CRPPA: variants seen among roughly 807,000 people sequenced by gnomAD.
The protein encoded by CRPPA is D-ribitol-5-phosphate cytidylyltransferase.
In CRPPA, 43 loss-of-function variants were observed where a neutral mutation model predicts 52.0. The observed-to-expected ratio is 0.83, with a 90% CI of 0.65 to 1.07. The LOEUF (loss-of-function observed/expected upper bound fraction) is 1.07, where lower values mean the gene tolerates loss of function less well. Among genes scored for constraint, CRPPA ranks in the 50% least tolerant of loss-of-function variants. CRPPA has a pLI of 0.00. For synonymous variants in CRPPA, 250 were observed against 203.5 expected (o/e 1.23, Z -1.94); for missense variants, 629 against 551.7 (o/e 1.14, Z -1.40).
chr7:16,417,730 C>A (rs1015529881), intron 1 of CRPPA, among the ~76,000 whole-genome samples: 2 of 150,248 alleles, frequency 1.3e-5, no homozygotes, highest in Non-Finnish European at 3.0e-5. Flanking sequence ...TTCAGCATCA[C>A]ACAATATACC....
chr7:16,402,296 C>A (rs1192896295), intron 2 of CRPPA, among the ~76,000 whole-genome samples: 1 of 152,176 alleles, frequency 6.6e-6, no homozygotes, highest in African/African-American at 2.4e-5. Flanking sequence ...ATCTATAAAA[C>A]TTCAAGCCAA....
At chr7:16,176,743 A>T (rs1781305978) in intron 9 of CRPPA, among the ~76,000 whole-genome samples, 1 of 122,982 alleles carries the variant, frequency 8.1e-6, no homozygotes, top group South Asian at 3.6e-4. Context: ...TACCTGGCAA[A>T]ATTATTCTCC....
chr7:16,419,083 G>A (rs916306291), intron 1 of CRPPA, among the ~76,000 whole-genome samples: 1 of 152,170 alleles, frequency 6.6e-6, no homozygotes, highest in African/African-American at 2.4e-5. Context: ...TCATGAAATG[G>A]TTTCAGGGAC....
chr7:16,205,412 A>C (rs28446402), intron 9 of CRPPA, among the ~76,000 whole-genome samples: 9,506 of 152,120 alleles, frequency 0.062, 780 homozygotes, highest in East Asian at 0.31. Context: ...GAGACTCTGA[A>C]ATTATATTGG....
chr7:16,417,745 T>C (rs1053439428), intron 1 of CRPPA, among the ~76,000 whole-genome samples: 7 of 150,082 alleles, frequency 4.7e-5, no homozygotes, highest in African/African-American at 9.8e-5. Context: ...TATACCCAGG[T>C]AACAAATCTA....
At chr7:16,101,487 G>C (rs765394927) in intron 9 of CRPPA, among the ~76,000 whole-genome samples, 1 of 152,056 alleles carries the variant, frequency 6.6e-6, no homozygotes, top group Non-Finnish European at 1.5e-5. Context: ...TTTGGGATCA[G>C]TGGTGATATC....
chr7:16,340,499 G>A (rs1253681043), intron 3 of CRPPA, among the ~76,000 whole-genome samples: 1 of 151,588 alleles, frequency 6.6e-6, no homozygotes, highest in African/African-American at 2.4e-5. Context: ...GATGCTCATA[G>A]GTCATTCAGG....
At chr7:16,263,490 G>T (rs1343245408) in intron 6 of CRPPA, among the ~76,000 whole-genome samples, 1 of 152,156 alleles carries the variant, frequency 6.6e-6, no homozygotes, top group Non-Finnish European at 1.5e-5. Context: ...AGTGGCTCAC[G>T]CCTGTCATCC....
chr7:16,329,779 G>T (rs533873948), intron 3 of CRPPA, among the ~76,000 whole-genome samples: 1 of 152,088 alleles, frequency 6.6e-6, no homozygotes, highest in Non-Finnish European at 1.5e-5. Context: ...AATTACAAAA[G>T]GCCCAAATAA....
At chr7:16,234,856 T>A (rs2128404155) in intron 8 of CRPPA, among the ~76,000 whole-genome samples, 1 of 151,582 alleles carries the variant, frequency 6.6e-6, no homozygotes, top group Non-Finnish European at 1.5e-5. Context: ...TTAAGGAGAG[T>A]TTGGCAAGTA....
At chr7:16,104,709 G>T (rs1464551240) in intron 9 of CRPPA, among the ~76,000 whole-genome samples, 1 of 152,008 alleles carries the variant, frequency 6.6e-6, no homozygotes, top group Non-Finnish European at 1.5e-5. Context: ...GACCAACCTG[G>T]TCAACATGAT....
intron 9 of CRPPA, among the ~76,000 whole-genome samples, chr7:16,093,130 A>G (rs943231020): frequency 1.3e-5 from 2 of 152,162 alleles, no homozygotes; most frequent in Admixed American, 6.6e-5. Flanking sequence ...TTAGTTGACC[A>G]TCTATTTTAC....
chr7:16,363,629 A>T (rs1474751574), intron 3 of CRPPA, among the ~76,000 whole-genome samples: 1 of 152,198 alleles, frequency 6.6e-6, no homozygotes, highest in Non-Finnish European at 1.5e-5. Context: ...CAAAAAAAGA[A>T]AACCTGCATC....
intron 8 of CRPPA, among the ~76,000 whole-genome samples, chr7:16,239,238 T>C (rs1031878029): frequency 6.6e-6 from 1 of 151,640 alleles, no homozygotes; most frequent in Non-Finnish European, 1.5e-5. Context: ...TTAAGTAACT[T>C]GGACAGGTTA....
chr7:16,151,948 C>T (rs915673543), intron 9 of CRPPA, among the ~76,000 whole-genome samples: 4 of 151,932 alleles, frequency 2.6e-5, no homozygotes, highest in Non-Finnish European at 4.4e-5. Context: ...AAAAAATTCA[C>T]TCCAAAATTT....
At chr7:16,191,480 T>C (rs996054037) in intron 9 of CRPPA, among the ~76,000 whole-genome samples, 1 of 152,116 alleles carries the variant, frequency 6.6e-6, no homozygotes, top group African/African-American at 2.4e-5. Flanking sequence ...TGGCTCATGG[T>C]GTAGGAAGCA....
At chr7:16,418,302 A>T (rs1472491702) in intron 1 of CRPPA, among the ~76,000 whole-genome samples, 1 of 152,224 alleles carries the variant, frequency 6.6e-6, no homozygotes, top group Non-Finnish European at 1.5e-5. Flanking sequence ...GAAAATTTTG[A>T]TGAGTTACTA....
intron 3 of CRPPA, among the ~76,000 whole-genome samples, chr7:16,335,548 C>A (rs966362945): frequency 1.3e-5 from 2 of 152,074 alleles, no homozygotes; most frequent in African/African-American, 4.8e-5. Flanking sequence ...AACAAAAGAA[C>A]AGTGAACTCA....
intron 9 of CRPPA, among the ~76,000 whole-genome samples, chr7:16,103,851 A>G (rs1280507975): frequency 1.3e-5 from 2 of 152,216 alleles, no homozygotes; most frequent in Non-Finnish European, 2.9e-5. Flanking sequence ...AGGTGTCAGT[A>G]GAATAATATT....
Sources: gnomAD v4.1 joint callset for allele counts (sites outside exome capture counted in the v4.1 genomes callset) on GRCh38, gnomAD v4.1.1 for gene constraint, MANE v1.5 for transcripts, NCBI Gene and HGNC (gene_info 2026-07-23, HGNC 2026-07-21) for gene names.